Variants in CLU observed in about 807,000 individuals in gnomAD.
The protein encoded by CLU is aging-associated protein 4.
A neutral mutation model predicts 46.4 loss-of-function variants in CLU; 25 were observed. The observed-to-expected ratio is 0.54, with a 90% CI of 0.39 to 0.75. CLU has a LOEUF of 0.75. CLU is among the 30% of genes least tolerant of loss of function. The pLI is 0.00. For missense variants in CLU, 504 were observed against 592.1 expected, an observed-to-expected ratio of 0.85 and a Z score of 1.54; for synonymous variants, 235 against 235.1, an observed-to-expected ratio of 1.00 and a Z score of 0.00.
intron 3 of CLU, chr8:27,608,698 A>G: frequency 1.7e-6 from 1 of 599,668 alleles, no homozygotes; most frequent in Non-Finnish European, 3.0e-6. Context: ...ATTGAAATGA[A>G]TCTGGGCATT....
At chr8:27,610,739 G>T in intron 1 of CLU, 139 bp from the exon 2 acceptor site, 1 of 670,710 alleles carries the variant, frequency 1.5e-6, no homozygotes. Flanking sequence ...TTTTATTCCT[G>T]AGGAAATGGG....
chr8:27,613,265 T>C (rs1800961051), intron 1 of CLU, among the ~76,000 whole-genome samples: 1 of 152,000 alleles, frequency 6.6e-6, no homozygotes, highest in Non-Finnish European at 1.5e-5. Context: ...CATGCGCCTG[T>C]AGTCCCAGCT....
rs1467802594 is a variant in CLU, at chr8:27,606,492, T to C, written c.279A>G (p.Thr93=). The C allele has an allele frequency of 6.2e-7, 1 of 1,614,126 alleles. No individual in the cohort carries two copies. Among genetic ancestry groups the C allele is most frequent in the Non-Finnish European group, 8.5e-7 (1 of 1,180,052 alleles). The change falls in exon 4 of 9, where the codon ACA becomes ACG. Residue 93 remains threonine (T), a synonymous_variant. Transcript: ENST00000316403. Reference sequence around the variant, plus strand: ...ACACTCCTGGGAGCTCCTTCAGCTTTGTCTCTGATTCCCTGGTCTCATTTA... The same window carrying C: ...ACACTCCTGGGAGCTCCTTCAGCTTCGTCTCTGATTCCCTGGTCTCATTTA... ...DALNETRESE[T]KLKELPGVCN...
Position 27,609,022 on chromosome 8 carries a change from T to C in CLU, c.162A>G (p.Lys54=). 6.2e-7 allele frequency: 1 copy of C among 1,614,152 alleles called. No individual in the cohort carries two copies. Among genetic ancestry groups the C allele is most frequent in the Non-Finnish European group, 8.5e-7 (1 of 1,179,980 alleles). The part of the protein sequence containing the change: ...KEIQNAVNGV[K]QIKTLIEKTN... ...TTTTTTCTATGAGAGTCTTTATCTG[T>C]TTCACCCCGTTGACAGCATTTTGAA... The change falls in exon 3 of 9, where the codon AAA becomes AAG. Residue 54 remains lysine (K), a synonymous_variant. Coordinates refer to ENST00000316403, the MANE Select transcript of CLU (RefSeq NM_001831.4).
At position 27,611,231 on chromosome 8, in the gene CLU, C is replaced by T. The variant is rs557690841; in HGVS notation, c.-29-631G>A. 3.2e-4 allele frequency: 144 copies of T among 454,198 alleles called. 1 individual carries two copies. Among genetic ancestry groups the T allele is most frequent in the South Asian group, 2.1e-3 (136 of 64,476 alleles). The allele number at this position is 454,198 out of a possible 1,614,324, so 28.1% of individuals were successfully genotyped here. On this transcript the variant is annotated intron_variant, in intron 1 of 8. Transcript: ENST00000316403. Reference sequence around the variant, plus strand: ...TGCATCCCTAGTGGGAGACTTGGGCCGGGCTGCCTGTGCATTCAGGGGTGG... The same window carrying T: ...TGCATCCCTAGTGGGAGACTTGGGCTGGGCTGCCTGTGCATTCAGGGGTGG...
At chr8:27,608,867 C>T (rs949811888) in intron 3 of CLU, 71 bp downstream of exon 3, 18 of 1,561,742 alleles carry the variant, frequency 1.2e-5, no homozygotes, top group East Asian at 2.2e-5. Flanking sequence ...AGCAGGGCAC[C>T]GCGCAGTGAC....
At chr8:27,614,495 C>T in intron 1 of CLU, 160 bp downstream of exon 1, 1 of 350,110 alleles carries the variant, frequency 2.9e-6, no homozygotes, top group Non-Finnish European at 5.6e-6. Context: ...GGTGATGGGG[C>T]TCCGGCCACC....
chr8:27,600,027 A>G lies in CLU; in HGVS notation c.935-18T>C, dbSNP rs370331130. On this transcript the variant is annotated intron_variant, in intron 6 of 8. Transcript: ENST00000316403. ...GGAACAGTCTGCCCAGAGATGGAAG[A>G]AACGCAAGTGAGAAGTGTGAAGGGA... 1 of 1,593,258 alleles carries G rather than the reference A, an allele frequency of 6.3e-7. No homozygotes were observed. The highest frequency in any genetic ancestry group is 1.7e-5 in the Admixed American group (1 of 60,000).
At chr8:27,604,064 C>T (rs1227987961) in intron 6 of CLU, among the ~76,000 whole-genome samples, 4 of 152,226 alleles carry the variant, frequency 2.6e-5, no homozygotes, top group Admixed American at 6.5e-5. Flanking sequence ...TCTCTAACGA[C>T]ATCTCACCGA....
In CLU at chr8:27,599,410, C is replaced by A; in HGVS notation, c.1164+370G>T. On this transcript the variant is annotated intron_variant, in intron 7 of 8. Coordinates refer to ENST00000316403, the MANE Select transcript of CLU (RefSeq NM_001831.4). The surrounding 1 kb of genome is among the most constrained non-coding windows in gnomAD (Gnocchi z 4.0). ...CTAATTCATAAGCCATTTTACATGCCAGAGGGCAGCCTTGTAGCTTTGAGA... is the reference window on the plus strand; with the variant it reads ...CTAATTCATAAGCCATTTTACATGCAAGAGGGCAGCCTTGTAGCTTTGAGA... 3.6e-6 allele frequency: 1 copy of A among 277,638 alleles called. No homozygotes were observed. The highest frequency in any genetic ancestry group is 7.0e-6 in the Non-Finnish European group (1 of 143,390). The allele number at this position is 277,638 out of a possible 1,614,324, so 17.2% of individuals were successfully genotyped here.
rs748619722 is a variant in CLU, at chr8:27,598,188, TG to T, written c.*52del. The T allele has an allele frequency of 3.1e-6, 5 of 1,599,778 alleles. No homozygotes were observed. The Admixed American group carries it at 5.0e-5, about 16-fold the overall frequency. On this transcript the variant is annotated 3_prime_UTR_variant, in exon 9 of 9. Coordinates refer to ENST00000316403, the MANE Select transcript of CLU (RefSeq NM_001831.4). ...CTCTCTGGGGGGCTGCAGCTCATCT[TG>T]GGGGGAGCTGGACTCAGATGCCCCC...
intron 1 of CLU, chr8:27,611,657 AC>A (rs1800932962): frequency 2.2e-6 from 1 of 457,640 alleles, no homozygotes; most frequent in East Asian, 7.0e-5. Flanking sequence ...GAAATGGTTC[AC>A]ATCCAAAGCC....
intron 1 of CLU, chr8:27,613,527 T>G (rs1198254275): frequency 6.6e-6 from 1 of 152,218 alleles, no homozygotes; most frequent in African/African-American, 2.4e-5. Context: ...TCCTATCTGC[T>G]TCTTCAAATG....
At chr8:27,610,069 T>A (rs1800894263) in intron 2 of CLU, among the ~76,000 whole-genome samples, 1 of 152,126 alleles carries the variant, frequency 6.6e-6, no homozygotes, top group Admixed American at 6.5e-5. Flanking sequence ...TCTGGGTTTT[T>A]AACAATGATC....
rs915704892 is a variant in CLU, at chr8:27,608,859, C to T, written c.246+79G>A. Reference sequence around the variant, plus strand: ...ACTGCGGGTCACCATGGCAACCCAGCAGGGCACCGCGCAGTGACCCCCTCC... The same window carrying T: ...ACTGCGGGTCACCATGGCAACCCAGTAGGGCACCGCGCAGTGACCCCCTCC... On this transcript the variant is annotated intron_variant, in intron 3 of 8. Transcript: ENST00000316403. 6.6e-6 allele frequency: 10 copies of T among 1,519,918 alleles called. No individual in the cohort carries two copies. The Admixed American group carries it at 1.5e-4, about 23-fold the overall frequency. 94.2% of individuals were successfully genotyped at this position (1,519,918 alleles called of 1,614,324 possible).
At chr8:27,601,831 C>A (rs976607871) in intron 6 of CLU, among the ~76,000 whole-genome samples, 1 of 123,094 alleles carries the variant, frequency 8.1e-6, no homozygotes, top group Non-Finnish European at 1.7e-5. Flanking sequence ...TAGCTCACAC[C>A]TGTAATCCCA....
Position 27,598,221 on chromosome 8 carries a change from GC to G in CLU, c.*19del. ...GCTGGACTCAGATGCCCCCGTAGGT[GC>G]AAAAGCAACATCCACATCTCACTCC... On this transcript the variant is annotated 3_prime_UTR_variant, in exon 9 of 9. Coordinates refer to ENST00000316403, the MANE Select transcript of CLU (RefSeq NM_001831.4). The G allele has an allele frequency of 2.5e-6, 4 of 1,613,400 alleles. No homozygotes were observed. The highest frequency in any genetic ancestry group is 3.4e-6 in the Non-Finnish European group (4 of 1,179,528).
Position 27,598,114 on chromosome 8 carries a change from G to T in CLU, c.*127C>A. On this transcript the variant is annotated 3_prime_UTR_variant, in exon 9 of 9. Transcript: ENST00000316403. ...CCAGAGCGGGGAGAGGCTGGGCGGAGTTGGGGGCCTGGAGGCTGGGGCCTG... is the reference window on the plus strand; with the variant it reads ...CCAGAGCGGGGAGAGGCTGGGCGGATTTGGGGGCCTGGAGGCTGGGGCCTG... 1.2e-6 allele frequency: 1 copy of T among 862,746 alleles called. No homozygotes were observed. Among genetic ancestry groups the T allele is most frequent in the Non-Finnish European group, 1.9e-6 (1 of 513,658 alleles). The allele number at this position is 862,746 out of a possible 1,614,324, so 53.4% of individuals were successfully genotyped here. A position where few individuals can be genotyped will look rare whatever the true frequency, so the allele number is the denominator to read the frequency against.
chr8:27,599,739 C>T lies in CLU; in HGVS notation c.1164+41G>A, dbSNP rs114474504. 872 of 1,460,108 alleles carry T rather than the reference C, an allele frequency of 6.0e-4. 4 individuals are homozygous for T. In the African/African-American group the frequency reaches 0.011, roughly 18 times the overall value. 90.4% of individuals were successfully genotyped at this position (1,460,108 alleles called of 1,614,324 possible). A position where few individuals can be genotyped will look rare whatever the true frequency, so the allele number is the denominator to read the frequency against. ...CATGCCCCTGCTCCCGATCACAGCT[C>T]GGGCTCCCGAGCCACAGCATGTGGC... On this transcript the variant is annotated intron_variant, in intron 7 of 8. Coordinates refer to ENST00000316403, the MANE Select transcript of CLU (RefSeq NM_001831.4). This position sits in a 1 kb window ranked among gnomAD's most constrained non-coding sequence, Gnocchi z 4.0.
Sources: gnomAD v4.1 joint callset for allele counts (sites outside exome capture counted in the v4.1 genomes callset) on GRCh38, gnomAD v4.1.1 for gene constraint, Gnocchi (gnomAD v3.1) non-coding constraint, MANE v1.5 for transcripts, NCBI Gene and HGNC (gene_info 2026-07-23, HGNC 2026-07-21) for gene names.